The following NFATC1 variants were observed in gnomAD, a reference collection of about 807,000 sequenced individuals.
The protein encoded by NFATC1 is nuclear factor of activated T-cells, cytoplasmic 1.
NFATC1 carries 22 observed loss-of-function variants against 76.0 expected under a neutral mutation model. The observed-to-expected ratio is 0.29, with a 90% confidence interval of 0.21 to 0.41. The LOEUF (loss-of-function observed/expected upper bound fraction) is 0.41. Ranked by LOEUF, NFATC1 falls within the 10% of genes least tolerant of loss-of-function variation. NFATC1 has a pLI of 1.00. For missense variants in NFATC1, 1,357 were observed against 1,337.7 expected, an observed-to-expected ratio of 1.01 and a Z score of -0.23; for synonymous variants, 704 against 613.1, an observed-to-expected ratio of 1.15 and a Z score of -2.19.
At chr18:79,454,948 CCT>C (rs1384154422) in intron 6 of NFATC1, among the ~76,000 whole-genome samples, 2 of 152,166 alleles carry the variant, frequency 1.3e-5, no homozygotes, top group Non-Finnish European at 2.9e-5. Flanking sequence ...ATGTGAGGCA[CCT>C]CTCTGTACAC....
At chr18:79,397,041 A>G (rs1408835404) in intron 1 of NFATC1, among the ~76,000 whole-genome samples, 1 of 152,160 alleles carries the variant, frequency 6.6e-6, no homozygotes, top group Non-Finnish European at 1.5e-5. Context: ...CTTTATAGTG[A>G]AAAAAAGATG....
intron 9 of NFATC1, among the ~76,000 whole-genome samples, chr18:79,501,013 T>G (rs1323558875): frequency 6.6e-6 from 1 of 151,354 alleles, no homozygotes; most frequent in Non-Finnish European, 1.5e-5. Context: ...AATACCAAAA[T>G]CAAAAGTATC....
At chr18:79,516,044 G>C (rs2090374386) in intron 9 of NFATC1, 1 of 151,862 alleles carries the variant, frequency 6.6e-6, no homozygotes, top group Non-Finnish European at 1.5e-5. Flanking sequence ...AATCTCCCAG[G>C]CACGTGGTCC....
intron 8 of NFATC1, among the ~76,000 whole-genome samples, chr18:79,483,552 C>CT (rs2089387358): frequency 7.9e-6 from 1 of 126,806 alleles, no homozygotes; most frequent in Non-Finnish European, 1.6e-5. Context: ...CCGGCGTGAC[C>CT]TGGTCCTGGG....
chr18:79,472,091 T>A (rs535938170), intron 8 of NFATC1, among the ~76,000 whole-genome samples: 2 of 152,168 alleles, frequency 1.3e-5, no homozygotes, highest in South Asian at 4.1e-4. Context: ...GCCGGGGTCC[T>A]GTGGCCTTGG....
In NFATC1 at chr18:79,486,459, C is replaced by A. The variant is rs994670145; in HGVS notation, c.2304C>A (p.Leu768=). The A allele has an allele frequency of 1.9e-6, 3 of 1,610,896 alleles. No individual in the cohort carries two copies. Among genetic ancestry groups the A allele is most frequent in the African/African-American group, 1.3e-5 (1 of 75,018 alleles). The change falls in exon 9 of 10, where the codon CTC becomes CTA. Residue 768 remains leucine (L), a synonymous_variant. Coordinates refer to ENST00000427363, the MANE Select transcript of NFATC1 (RefSeq NM_001278669.2). ...CGGCCCCTGGCGTGAGCCCCAAGCT[C>A]CACGACCTTTCTCCCGCTGCCTACA... ...MPAAPGVSPK[L]HDLSPAAYTK... is the part of the protein sequence containing the mutation.
intron 6 of NFATC1, among the ~76,000 whole-genome samples, chr18:79,459,268 C>T (rs1600787879): frequency 6.6e-6 from 1 of 152,350 alleles, no homozygotes; most frequent in Non-Finnish European, 1.5e-5. Context: ...TGGGGCCGCT[C>T]CGGCAAGGAT....
At chr18:79,484,591 A>G (rs1600886066) in intron 8 of NFATC1, among the ~76,000 whole-genome samples, 2 of 152,172 alleles carry the variant, frequency 1.3e-5, no homozygotes, top group South Asian at 4.1e-4. Flanking sequence ...CAGAGGGTGG[A>G]TGATAGAAAG....
intron 9 of NFATC1, among the ~76,000 whole-genome samples, chr18:79,489,606 C>T (rs751851849): frequency 3.9e-5 from 6 of 152,216 alleles, no homozygotes; most frequent in African/African-American, 7.2e-5. Context: ...ACTCAGTTGC[C>T]GTGGTGATCC....
chr18:79,504,283 G>A (rs536215348), intron 9 of NFATC1, among the ~76,000 whole-genome samples: 8 of 152,198 alleles, frequency 5.3e-5, no homozygotes, highest in East Asian at 1.9e-4. Flanking sequence ...AGTGAGAGAC[G>A]TGTGACCTTT....
At chr18:79,429,184 G>T (rs1370896050) in intron 2 of NFATC1, among the ~76,000 whole-genome samples, 1 of 144,796 alleles carries the variant, frequency 6.9e-6, no homozygotes, top group Non-Finnish European at 1.5e-5. Flanking sequence ...TGGCTCCACT[G>T]CACTCCAGCC....
intron 9 of NFATC1, among the ~76,000 whole-genome samples, chr18:79,518,070 CGTT>C (rs1370043532): frequency 3.3e-5 from 5 of 152,336 alleles, no homozygotes; most frequent in African/African-American, 9.6e-5. Context: ...CTGAGGGCGT[CGTT>C]GTCTGTGCTG....
At chr18:79,520,593 G>C (rs112442932) in intron 9 of NFATC1, among the ~76,000 whole-genome samples, 4 of 130,464 alleles carry the variant, frequency 3.1e-5, no homozygotes, top group African/African-American at 1.2e-4. Context: ...ATCCGCTGAT[G>C]TGTGTGTCTG....
At chr18:79,511,973 C>T (rs755029818) in intron 9 of NFATC1, among the ~76,000 whole-genome samples, 29 of 152,136 alleles carry the variant, frequency 1.9e-4, no homozygotes, top group East Asian at 9.6e-4. Context: ...GTGGATGGGA[C>T]GCAGCTGAGA....
chr18:79,464,694 A>ATATATTTT (rs1568994689), intron 7 of NFATC1, among the ~76,000 whole-genome samples: 1 of 106,718 alleles, frequency 9.4e-6, no homozygotes, highest in African/African-American at 4.9e-5. Context: ...ATATATATAT[A>ATATATTTT]TTTATTTATT....
chr18:79,508,179 C>T (rs2090160302), intron 9 of NFATC1, among the ~76,000 whole-genome samples: 1 of 151,418 alleles, frequency 6.6e-6, no homozygotes, highest in Admixed American at 6.6e-5. Flanking sequence ...CCCAGTGCAG[C>T]TGAGTTATTT....
intron 3 of NFATC1, among the ~76,000 whole-genome samples, chr18:79,438,896 A>T (rs1160714835): frequency 1.3e-5 from 2 of 152,276 alleles, no homozygotes; most frequent in East Asian, 3.9e-4. Context: ...GCCTCCACAG[A>T]TCCGTAACAG....
intron 9 of NFATC1, among the ~76,000 whole-genome samples, chr18:79,507,251 C>T (rs543100909): frequency 1.3e-4 from 20 of 152,368 alleles, no homozygotes; most frequent in Admixed American, 7.8e-4. Flanking sequence ...GGAAACCGCA[C>T]GGCTCCCAGC....
chr18:79,410,102 C>T lies in NFATC1; in HGVS notation c.128-301C>T, dbSNP rs2148183516. 1 of 718,492 alleles carries T rather than the reference C, an allele frequency of 1.4e-6. No homozygotes were observed. Among genetic ancestry groups the T allele is most frequent in the South Asian group, 1.4e-5 (1 of 73,310 alleles). 44.5% of individuals were successfully genotyped at this position (718,492 alleles called of 1,614,324 possible). A position where few individuals can be genotyped will look rare whatever the true frequency, so the allele number is the denominator to read the frequency against. ...GTGGTTTTTGAATGAAGAGCGGAAC[C>T]CGTGAGGACCCGGCCGCCTCTCCCT... is the stretch of plus-strand genomic sequence containing the variant. On this transcript the variant is annotated intron_variant, in intron 1 of 9. Coordinates refer to ENST00000427363, the MANE Select transcript of NFATC1 (RefSeq NM_001278669.2). The surrounding 1 kb of genome is among the most constrained non-coding windows in gnomAD (Gnocchi z 6.7).
Sources: gnomAD v4.1 joint callset for allele counts (sites outside exome capture counted in the v4.1 genomes callset) on GRCh38, gnomAD v4.1.1 for gene constraint, Gnocchi (gnomAD v3.1) non-coding constraint, MANE v1.5 for transcripts, NCBI Gene and HGNC (gene_info 2026-07-23, HGNC 2026-07-21) for gene names.